The following FAM135B variants were observed in gnomAD, a reference collection of about 807,000 sequenced individuals.
The protein encoded by FAM135B is family with sequence similarity 135 member B, also known as protein FAM135B.
Under a neutral mutation model 127.7 loss-of-function variants are expected in FAM135B, and 43 were observed. The observed-to-expected ratio is 0.34, with a 90% CI of 0.26 to 0.43. FAM135B has a LOEUF of 0.43. Among genes scored for constraint, FAM135B ranks in the 20% least tolerant of loss-of-function variants. FAM135B has a pLI of 1.00. For missense variants in FAM135B, 1,558 were observed against 1,725.6 expected (o/e 0.90, Z 1.72); for synonymous variants, 670 against 665.1 (o/e 1.01, Z -0.11).
intron 2 of FAM135B, among the ~76,000 whole-genome samples, chr8:138,315,995 G>T (rs1357236708): frequency 6.6e-6 from 1 of 152,014 alleles, no homozygotes; most frequent in African/African-American, 2.4e-5. Context: ...ACTGAAATTT[G>T]CTAAGAGAAC....
At chr8:138,350,055 A>C (rs937116681) in intron 2 of FAM135B, among the ~76,000 whole-genome samples, 1 of 152,102 alleles carries the variant, frequency 6.6e-6, no homozygotes, top group Non-Finnish European at 1.5e-5. Context: ...CTTGGCCATG[A>C]CCACCATCGC....
intron 2 of FAM135B, among the ~76,000 whole-genome samples, chr8:138,354,611 G>A (rs1829975678): frequency 6.6e-6 from 1 of 152,088 alleles, no homozygotes; most frequent in East Asian, 1.9e-4. Flanking sequence ...TGTATCAGGA[G>A]CAACTTGAGT....
intron 15 of FAM135B, among the ~76,000 whole-genome samples, chr8:138,145,349 G>A (rs138127956): frequency 1.3e-3 from 194 of 152,182 alleles, no homozygotes; most frequent in African/African-American, 4.1e-3. Context: ...ATTTGTTCAC[G>A]TATTAAAGTT....
rs2130625031 is a variant in FAM135B, at chr8:138,143,052, G to T, written c.3598C>A (p.Gln1200Lys). ...MTDRLLDEII[Q>K]HIQLYNLSIS... ...GAGAGGTTGTACAACTGAATGTGTT[G>T]AATGATTTCATCCAATAACCGATCC... The change falls in exon 16 of 20, where the codon CAA becomes AAA. Residue 1200 changes from glutamine to lysine, a missense_variant. Physicochemically the swap from Gln to Lys is moderately conservative, Grantham distance 53. Transcript: ENST00000395297. 1 of 1,609,872 alleles carries T rather than the reference G, an allele frequency of 6.2e-7. No individual in the cohort carries two copies. The highest frequency in any genetic ancestry group is 8.5e-7 in the Non-Finnish European group (1 of 1,176,168).
chr8:138,206,532 T>C (rs371627267), intron 7 of FAM135B, among the ~76,000 whole-genome samples: 740 of 10,822 alleles, frequency 0.068, no homozygotes, highest in Middle Eastern at 0.11. Flanking sequence ...ATCCCCTCCA[T>C]CTACACACAA....
intron 1 of FAM135B, among the ~76,000 whole-genome samples, chr8:138,426,540 G>C (rs1317981963): frequency 6.6e-6 from 1 of 150,396 alleles, no homozygotes; most frequent in South Asian, 2.1e-4. Context: ...TATATATAAT[G>C]TGTATATATA....
chr8:138,267,047 T>C (rs1294115540), intron 3 of FAM135B, among the ~76,000 whole-genome samples: 1 of 152,210 alleles, frequency 6.6e-6, no homozygotes, highest in Non-Finnish European at 1.5e-5. Flanking sequence ...TGCCTAAATA[T>C]GCACTTGTTA....
chr8:138,485,874 G>C (rs1814965063), intron 1 of FAM135B, among the ~76,000 whole-genome samples: 2 of 152,106 alleles, frequency 1.3e-5, no homozygotes, highest in South Asian at 4.1e-4. Context: ...CAGATCATCT[G>C]GAATGCAAAA....
chr8:138,213,618 G>A lies in FAM135B; in HGVS notation c.670-15949C>T, dbSNP rs542411546. 2.0e-5 allele frequency among the ~76,000 whole-genome samples: 3 copies of A among 151,940 alleles called. No homozygotes were observed. In the East Asian group the frequency reaches 5.8e-4, roughly 30 times the overall value. The stretch of plus-strand genomic sequence containing the variant: ...TTTTAGCTTGTTAAGGATCAGATGT[G>A]GAGAAAGTTTATCTCCCTTGCAAAT... On this transcript the variant is annotated intron_variant, in intron 7 of 19. Transcript: ENST00000395297.
chr8:138,372,524 A>G (rs767383083), intron 1 of FAM135B, among the ~76,000 whole-genome samples: 1 of 152,140 alleles, frequency 6.6e-6, no homozygotes, highest in African/African-American at 2.4e-5. Context: ...CCTGGGTCTC[A>G]ATGGCCCTGG....
chr8:138,322,862 T>G (rs983072640), intron 2 of FAM135B, among the ~76,000 whole-genome samples: 1 of 151,976 alleles, frequency 6.6e-6, no homozygotes, highest in African/African-American at 2.4e-5. Context: ...GATGCGGAGG[T>G]GAAACTCCGC....
chr8:138,300,677 G>T (rs2130841818), intron 3 of FAM135B, among the ~76,000 whole-genome samples: 1 of 149,434 alleles, frequency 6.7e-6, no homozygotes, highest in African/African-American at 2.5e-5. Flanking sequence ...GGAGAGCAAA[G>T]AATTTATCTT....
At chr8:138,404,425 G>C (rs970684375) in intron 1 of FAM135B, among the ~76,000 whole-genome samples, 2 of 152,128 alleles carry the variant, frequency 1.3e-5, no homozygotes, top group African/African-American at 4.8e-5. Flanking sequence ...AGTTGCTGAA[G>C]GTTAAGGTGA....
intron 1 of FAM135B, among the ~76,000 whole-genome samples, chr8:138,413,419 G>A (rs1004862432): frequency 6.6e-6 from 1 of 152,124 alleles, no homozygotes; most frequent in Non-Finnish European, 1.5e-5. Context: ...GTCTCATCCA[G>A]CAACTTAGGA....
At chr8:138,338,270 A>C (rs913110174) in intron 2 of FAM135B, among the ~76,000 whole-genome samples, 9 of 150,982 alleles carry the variant, frequency 6.0e-5, no homozygotes, top group African/African-American at 2.2e-4. Context: ...GGTTCTAATT[A>C]AACTAAAGAG....
At chr8:138,203,332 G>A (rs904912104) in intron 7 of FAM135B, among the ~76,000 whole-genome samples, 1 of 151,974 alleles carries the variant, frequency 6.6e-6, no homozygotes, top group Non-Finnish European at 1.5e-5. Flanking sequence ...CTTCCTGAAT[G>A]GACCCCACTT....
chr8:138,479,889 C>A (rs953405676), intron 1 of FAM135B, among the ~76,000 whole-genome samples: 1 of 152,168 alleles, frequency 6.6e-6, no homozygotes, highest in South Asian at 2.1e-4. Flanking sequence ...CAAATGATAT[C>A]CCTGTGCACC....
chr8:138,362,039 T>A (rs979532968), intron 2 of FAM135B, among the ~76,000 whole-genome samples: 2 of 152,118 alleles, frequency 1.3e-5, no homozygotes, highest in Admixed American at 1.3e-4. Flanking sequence ...ATAAGATGTT[T>A]TAATATAGGC....
At chr8:138,335,083 AG>A (rs2131016675) in intron 2 of FAM135B, among the ~76,000 whole-genome samples, 2 of 152,338 alleles carry the variant, frequency 1.3e-5, no homozygotes, top group East Asian at 3.9e-4. Flanking sequence ...TGTTTAAATG[AG>A]TATACTGTGA....
Sources: allele counts gnomAD v4.1 joint callset (sites outside exome capture counted in the v4.1 genomes callset), GRCh38; gene constraint gnomAD v4.1.1; transcripts MANE v1.5; gene names NCBI Gene and HGNC (gene_info 2026-07-23, HGNC 2026-07-21).